Variants in ANGPT1 observed in about 807,000 individuals in gnomAD.
ANGPT1 encodes angiopoietin-1.
A neutral mutation model predicts 62.2 loss-of-function variants in ANGPT1; 17 were observed. The observed-to-expected ratio is 0.27, with a 90% CI of 0.19 to 0.41. The LOEUF is 0.41. Among genes scored for constraint, ANGPT1 ranks in the 10% least tolerant of loss-of-function variants. The pLI is 1.00. For synonymous variants in ANGPT1, 199 were observed against 198.9 expected, an observed-to-expected ratio of 1.00 and a Z score of 0.00; for missense variants, 478 against 594.9, an observed-to-expected ratio of 0.80 and a Z score of 2.04.
At chr8:107,315,124 C>G (rs1814984209) in intron 4 of ANGPT1, among the ~76,000 whole-genome samples, 2 of 152,084 alleles carry the variant, frequency 1.3e-5, no homozygotes, top group African/African-American at 4.8e-5. Flanking sequence ...ATCAAATGTT[C>G]CATACCACTG....
At chr8:107,478,574 C>T (rs749552612) in intron 1 of ANGPT1, among the ~76,000 whole-genome samples, 1 of 151,954 alleles carries the variant, frequency 6.6e-6, no homozygotes, top group Non-Finnish European at 1.5e-5. Flanking sequence ...ATAAAGATTG[C>T]TTTGATTATA....
At chr8:107,261,270 C>G (rs1813483577) in intron 8 of ANGPT1, among the ~76,000 whole-genome samples, 1 of 37,244 alleles carries the variant, frequency 2.7e-5, no homozygotes, top group South Asian at 6.5e-4. Context: ...TTGTGTGTAC[C>G]ATTTAAAAAA....
chr8:107,409,965 C>A (rs1817230986), intron 1 of ANGPT1, among the ~76,000 whole-genome samples: 3 of 152,054 alleles, frequency 2.0e-5, no homozygotes, highest in Admixed American at 2.0e-4. Flanking sequence ...ATCCATCCAT[C>A]CATCCATCCA....
Position 107,494,063 on chromosome 8 carries a change from T to C in ANGPT1, c.297+3199A>G, listed in dbSNP as rs1813032544. Among the ~76,000 whole-genome samples the C allele has an allele frequency of 1.5e-5, 2 of 137,086 alleles. 1 individual carries two copies. Among genetic ancestry groups the C allele is most frequent in the African/African-American group, 5.5e-5 (2 of 36,670 alleles). 89.9% of individuals were successfully genotyped at this position (137,086 alleles called of 152,430 possible). A position where few individuals can be genotyped will look rare whatever the true frequency, so the allele number is the denominator to read the frequency against. On this transcript the variant is annotated intron_variant, in intron 1 of 8. Transcript: ENST00000517746. ...AATTTTAGCTAGTGTAAAATATGTA[T>C]AGCAAATAGACTATTGTTTTCTGTT...
chr8:107,289,372 G>T (rs767808151), intron 6 of ANGPT1, among the ~76,000 whole-genome samples: 4 of 152,034 alleles, frequency 2.6e-5, no homozygotes, highest in Admixed American at 6.6e-5. Flanking sequence ...TATTTGTTTT[G>T]TCTGATAATG....
chr8:107,274,845 G>A (rs771709731), intron 7 of ANGPT1, among the ~76,000 whole-genome samples: 4 of 151,310 alleles, frequency 2.6e-5, no homozygotes, highest in South Asian at 2.1e-4. Flanking sequence ...CTTTTTTTTC[G>A]AGACATGTGC....
chr8:107,457,709 G>A (rs1811954594), intron 1 of ANGPT1, among the ~76,000 whole-genome samples: 1 of 151,616 alleles, frequency 6.6e-6, no homozygotes, highest in South Asian at 2.1e-4. Flanking sequence ...TTTGGATAAG[G>A]CTCTTTACCA....
chr8:107,487,607 C>T (rs1162809784), intron 1 of ANGPT1, among the ~76,000 whole-genome samples: 1 of 152,056 alleles, frequency 6.6e-6, no homozygotes, highest in East Asian at 1.9e-4. Context: ...GATGGGGCTG[C>T]CTCACTTGAT....
chr8:107,360,120 A>T (rs758169149), intron 1 of ANGPT1, among the ~76,000 whole-genome samples: 1 of 152,164 alleles, frequency 6.6e-6, no homozygotes, highest in Non-Finnish European at 1.5e-5. Flanking sequence ...CTCTGGTTTC[A>T]TAAGAAGTCA....
chr8:107,496,856 A>G (rs528322935), intron 1 of ANGPT1, among the ~76,000 whole-genome samples: 73 of 152,346 alleles, frequency 4.8e-4, no homozygotes, highest in African/African-American at 1.7e-3. Context: ...CCAGCGGCAC[A>G]AAATTTTCTG....
At chr8:107,377,123 A>G (rs1178798623) in intron 1 of ANGPT1, among the ~76,000 whole-genome samples, 1 of 152,218 alleles carries the variant, frequency 6.6e-6, no homozygotes, top group Admixed American at 6.5e-5. Context: ...ATAAATAAAT[A>G]AAGGGCCATT....
At chr8:107,300,557 T>C (rs779529012) in intron 5 of ANGPT1, among the ~76,000 whole-genome samples, 17 of 151,796 alleles carry the variant, frequency 1.1e-4, no homozygotes, top group Non-Finnish European at 2.1e-4. Context: ...TAAAACTAAA[T>C]CTAAATCTAA....
Position 107,484,542 on chromosome 8 carries a change from C to T in ANGPT1, c.297+12720G>A, listed in dbSNP as rs937777800. ...TCAGCCTCTAGAGTCACTGGGACTA[C>T]AGGCATGTGCCAGCCACCATGCCAG... On this transcript the variant is annotated intron_variant, in intron 1 of 8. Transcript: ENST00000517746. 3.3e-5 allele frequency among the ~76,000 whole-genome samples: 5 copies of T among 152,136 alleles called. 1 individual carries two copies. The highest frequency in any genetic ancestry group is 2.1e-4 in the South Asian group (1 of 4,828).
chr8:107,354,659 G>C (rs1210197969), intron 1 of ANGPT1, among the ~76,000 whole-genome samples: 1 of 152,094 alleles, frequency 6.6e-6, no homozygotes, highest in South Asian at 2.1e-4. Context: ...CAAAGCCCTG[G>C]ACTGGATCAT....
chr8:107,333,000 TTAAA>T (rs1815459080), intron 3 of ANGPT1, among the ~76,000 whole-genome samples: 1 of 152,198 alleles, frequency 6.6e-6, no homozygotes, highest in African/African-American at 2.4e-5. Context: ...CTCTCTCCAC[TTAAA>T]TAGGAGGAGC....
At chr8:107,286,877 T>TGGCAGCCAATGCTACCTACTAAGGAG (rs1814154686) in intron 6 of ANGPT1, among the ~76,000 whole-genome samples, 1 of 152,162 alleles carries the variant, frequency 6.6e-6, no homozygotes, top group Non-Finnish European at 1.5e-5. Context: ...CACATTTTTA[T>TGGCAGCCAATGCTACCTACTAAGGAG]GGCAGCCAAT....
intron 2 of ANGPT1, among the ~76,000 whole-genome samples, chr8:107,343,175 G>A (rs866557540): frequency 5.3e-5 from 8 of 151,918 alleles, no homozygotes; most frequent in South Asian, 2.1e-4. Flanking sequence ...AGGTCCAAAC[G>A]GCAGATGTAA....
At chr8:107,471,410 G>C (rs992475073) in intron 1 of ANGPT1, among the ~76,000 whole-genome samples, 5 of 151,984 alleles carry the variant, frequency 3.3e-5, no homozygotes, top group African/African-American at 1.2e-4. Context: ...GTCAGGCTGT[G>C]GGGGGACTAG....
intron 1 of ANGPT1, among the ~76,000 whole-genome samples, chr8:107,449,647 T>C (rs777126464): frequency 6.6e-6 from 1 of 152,124 alleles, no homozygotes; most frequent in Non-Finnish European, 1.5e-5. Flanking sequence ...TGTAGCCAGA[T>C]GTACCTTACC....
Sources: allele counts gnomAD v4.1 joint callset (sites outside exome capture counted in the v4.1 genomes callset), GRCh38; gene constraint gnomAD v4.1.1; transcripts MANE v1.5; gene names NCBI Gene and HGNC (gene_info 2026-07-23, HGNC 2026-07-21).